Variants in ANKRD6 observed in about 807,000 individuals in gnomAD.
ANKRD6 encodes the protein ankyrin repeat domain-containing protein 6.
A neutral mutation model predicts 82.3 loss-of-function variants in ANKRD6; 56 were observed. The observed-to-expected ratio is 0.68, with a 90% CI of 0.55 to 0.85. The LOEUF (loss-of-function observed/expected upper bound fraction) is 0.85. ANKRD6 is among the 40% of genes least tolerant of loss of function. The probability of loss-of-function intolerance (pLI) is 0.00; values close to 1 mark genes in which losing one functional copy is unlikely to be tolerated. For missense variants in ANKRD6, 852 were observed against 907.6 expected (o/e 0.94, Z 0.79); for synonymous variants, 347 against 352.1 (o/e 0.99, Z 0.16).
At chr6:89,449,524 G>A (rs1296948786) in intron 1 of ANKRD6, among the ~76,000 whole-genome samples, 4 of 152,190 alleles carry the variant, frequency 2.6e-5, no homozygotes, top group Non-Finnish European at 4.4e-5. Flanking sequence ...TGTTTGCATG[G>A]CTGAGATAAA....
At chr6:89,598,309 C>G (rs1387824875) in intron 3 of ANKRD6, 1 of 985,154 alleles carries the variant, frequency 1.0e-6, no homozygotes, top group Non-Finnish European at 1.2e-6. Context: ...TCACATAGCT[C>G]CCGCCTCAGA....
intron 1 of ANKRD6, among the ~76,000 whole-genome samples, chr6:89,465,298 T>C (rs1177293460): frequency 6.6e-6 from 1 of 151,890 alleles, no homozygotes; most frequent in East Asian, 1.9e-4. Context: ...TTTTTGTATT[T>C]TTAGTAGAGA....
intron 1 of ANKRD6, among the ~76,000 whole-genome samples, chr6:89,435,303 G>A (rs534835174): frequency 3.2e-4 from 49 of 152,170 alleles, no homozygotes; most frequent in African/African-American, 1.1e-3. Flanking sequence ...CTAGAACATC[G>A]CCAGGCCCCT....
In ANKRD6 at chr6:89,613,763, TGTGCTTAGA is replaced by T; in HGVS notation, c.517-26_517-18del. ...CTATTTGTTTTGTAACTGCTCAGAT[TGTGCTTAGA>T]GTTTGATTTTTGTCCGCAGGCAGGA... is the stretch of plus-strand genomic sequence containing the variant. On this transcript the variant is annotated intron_variant, in intron 6 of 15. Transcript: ENST00000339746. The T allele has an allele frequency of 6.2e-7, 1 of 1,603,920 alleles. No homozygotes were observed.
intron 2 of ANKRD6, among the ~76,000 whole-genome samples, chr6:89,569,794 T>C (rs911358452): frequency 5.9e-5 from 9 of 152,208 alleles, no homozygotes; most frequent in East Asian, 1.9e-4. Context: ...TTCATAGTTA[T>C]CTTTAGCAAA....
At chr6:89,516,652 T>C (rs1024906063) in intron 1 of ANKRD6, among the ~76,000 whole-genome samples, 37 of 152,200 alleles carry the variant, frequency 2.4e-4, no homozygotes, top group African/African-American at 8.7e-4. Context: ...AATATTTGTA[T>C]TTTTAGTAGA....
chr6:89,615,129 C>G (rs1330084854), intron 7 of ANKRD6, among the ~76,000 whole-genome samples: 1 of 151,048 alleles, frequency 6.6e-6, no homozygotes, highest in African/African-American at 2.4e-5. Flanking sequence ...TACATTGTTT[C>G]ACTTTTCTTT....
At chr6:89,436,676 G>T (rs1427861990) in intron 1 of ANKRD6, among the ~76,000 whole-genome samples, 1 of 152,116 alleles carries the variant, frequency 6.6e-6, no homozygotes, top group African/African-American at 2.4e-5. Context: ...GGACAGAATA[G>T]GGAATTCATG....
chr6:89,573,773 G>A (rs565976320), intron 2 of ANKRD6, among the ~76,000 whole-genome samples: 1 of 152,270 alleles, frequency 6.6e-6, no homozygotes, highest in South Asian at 2.1e-4. Context: ...TGAACTTATA[G>A]TGTTGCTGTT....
intron 1 of ANKRD6, among the ~76,000 whole-genome samples, chr6:89,440,911 CT>C (rs1771292970): frequency 6.6e-6 from 1 of 152,134 alleles, no homozygotes; most frequent in African/African-American, 2.4e-5. Flanking sequence ...TCTATAGCTG[CT>C]TTCAACTGCT....
At position 89,553,296 on chromosome 6, in the gene ANKRD6, A is replaced by T. The variant is rs75540745; in HGVS notation, c.-143-13538A>T. Among the ~76,000 whole-genome samples the T allele has an allele frequency of 4.0e-3, 617 of 152,348 alleles. 5 individuals carry two copies. The highest frequency in any genetic ancestry group is 0.014 in the African/African-American group (586 of 41,574). On this transcript the variant is annotated intron_variant, in intron 1 of 15. Coordinates refer to ENST00000339746, the MANE Select transcript of ANKRD6 (RefSeq NM_001242809.2). ...GAGGGTCACACAGCCGACTGATAGC[A>T]GAAGCAAGTATGTGTCACTGGGAGA... is the stretch of plus-strand genomic sequence containing the variant.
chr6:89,561,409 A>G (rs1787398372), intron 1 of ANKRD6: 1 of 152,232 alleles, frequency 6.6e-6, no homozygotes, highest in African/African-American at 2.4e-5. Flanking sequence ...TCTTTCGCAA[A>G]TAGTCCTGGT....
chr6:89,583,226 T>C (rs1337072658), intron 2 of ANKRD6, among the ~76,000 whole-genome samples: 2 of 152,198 alleles, frequency 1.3e-5, no homozygotes, highest in Non-Finnish European at 2.9e-5. Flanking sequence ...GCCAAGCCAG[T>C]GGTTAGACAT....
intron 7 of ANKRD6, 93 bp from the exon 8 acceptor site, chr6:89,616,466 C>A: frequency 8.4e-7 from 1 of 1,194,086 alleles, no homozygotes; most frequent in Non-Finnish European, 1.2e-6. Context: ...CTCAGTTTGA[C>A]TTTGAAGAGC....
chr6:89,573,949 A>G (rs1029237393), intron 2 of ANKRD6, among the ~76,000 whole-genome samples: 1 of 152,084 alleles, frequency 6.6e-6, no homozygotes, highest in African/African-American at 2.4e-5. Context: ...TCTCCTCCCA[A>G]TTGATGTAAC....
chr6:89,544,724 CCAAAAAA>C (rs932081132), intron 1 of ANKRD6, among the ~76,000 whole-genome samples: 5 of 151,516 alleles, frequency 3.3e-5, no homozygotes, highest in African/African-American at 7.3e-5. Flanking sequence ...CAAAAAAACC[CCAAAAAA>C]CAAAAAACAA....
chr6:89,582,034 C>T (rs1472778833), intron 2 of ANKRD6, among the ~76,000 whole-genome samples: 1 of 152,140 alleles, frequency 6.6e-6, no homozygotes, highest in Non-Finnish European at 1.5e-5. Flanking sequence ...AAAGCTTAGG[C>T]TTTTGTAGTT....
chr6:89,578,442 C>T (rs1264030679), intron 2 of ANKRD6, among the ~76,000 whole-genome samples: 9 of 151,828 alleles, frequency 5.9e-5, no homozygotes, highest in South Asian at 2.1e-4. Context: ...ACTACAGACA[C>T]GTGCCACCAC....
At chr6:89,520,618 G>A (rs542713762) in intron 1 of ANKRD6, among the ~76,000 whole-genome samples, 2 of 152,294 alleles carry the variant, frequency 1.3e-5, no homozygotes, top group South Asian at 2.1e-4. Context: ...AGTATCCCTC[G>A]GACTTTGGAT....
Sources: allele counts gnomAD v4.1 joint callset (sites outside exome capture counted in the v4.1 genomes callset), GRCh38; gene constraint gnomAD v4.1.1; transcripts MANE v1.5; gene names NCBI Gene and HGNC (gene_info 2026-07-23, HGNC 2026-07-21).